Variants in CLEC16A observed in about 807,000 individuals in gnomAD.
The protein encoded by CLEC16A is protein CLEC16A.
A neutral mutation model predicts 109.5 loss-of-function variants in CLEC16A; 51 were observed. The observed-to-expected ratio is 0.47, with a 90% CI of 0.37 to 0.59. The LOEUF (loss-of-function observed/expected upper bound fraction) is 0.59, where lower values mean the gene tolerates loss of function less well. Among genes scored for constraint, CLEC16A ranks in the 20% least tolerant of loss-of-function variants. The probability of loss-of-function intolerance (pLI) is 0.00; values close to 1 mark genes in which losing one functional copy is unlikely to be tolerated. For synonymous variants in CLEC16A, 673 were observed against 564.2 expected, an observed-to-expected ratio of 1.19 and a Z score of -2.73; for missense variants, 1,339 against 1,394.0, an observed-to-expected ratio of 0.96 and a Z score of 0.63.
chr16:11,079,332 A>C (rs962930231), intron 19 of CLEC16A, among the ~76,000 whole-genome samples: 1 of 152,226 alleles, frequency 6.6e-6, no homozygotes, highest in Non-Finnish European at 1.5e-5. Flanking sequence ...TCAGCCAGCC[A>C]GACCATGGAG....
rs776058254 is a variant in CLEC16A, at chr16:11,126,059, C to G, written c.2554C>G (p.Pro852Ala). Residue 852 changes from proline (P) to alanine (A), a missense_variant, in exon 22 of 24, where the codon CCT becomes GCT. Physicochemically the swap from Pro to Ala is conservative, Grantham distance 27 (BLOSUM62 -1). This residue lies in a region of CLEC16A where 1,061 missense variants were observed against 1,006.8 expected (regional missense o/e 1.05). Coordinates refer to ENST00000409790, the MANE Select transcript of CLEC16A (RefSeq NM_015226.3). ...LGSSTSTQHL[P>A]FRFYDQGRRG... Reference sequence around the variant, plus strand: ...CTCCTCCACCTCCACTCAGCACCTGCCTTTCCGCTTCTACGACCAGGGGCG... The same window carrying G: ...CTCCTCCACCTCCACTCAGCACCTGGCTTTCCGCTTCTACGACCAGGGGCG... 1.2e-6 allele frequency: 2 copies of G among 1,613,994 alleles called. No homozygotes were observed.
At chr16:10,997,068 C>G (rs761384830) in intron 10 of CLEC16A, among the ~76,000 whole-genome samples, 2 of 152,210 alleles carry the variant, frequency 1.3e-5, no homozygotes, top group Non-Finnish European at 2.9e-5. Context: ...CTCAAGTGAT[C>G]TTCCTGCCTC....
intron 19 of CLEC16A, among the ~76,000 whole-genome samples, chr16:11,087,477 C>T (rs1336329448): frequency 1.3e-5 from 2 of 152,224 alleles, no homozygotes; most frequent in Non-Finnish European, 2.9e-5. Flanking sequence ...TAAACTACTA[C>T]TTGTTTTTTT....
chr16:10,996,650 A>C (rs1425274049), intron 10 of CLEC16A, among the ~76,000 whole-genome samples: 1 of 150,810 alleles, frequency 6.6e-6, no homozygotes, highest in East Asian at 2.0e-4. Flanking sequence ...CGGCCCCATC[A>C]CTCTTGTGTG....
intron 13 of CLEC16A, chr16:11,027,458 G>T (rs2046475837): frequency 6.3e-7 from 1 of 1,577,444 alleles, no homozygotes; most frequent in East Asian, 2.2e-5. Flanking sequence ...TTCCAAATCT[G>T]AAGTCTGTCC....
chr16:11,075,386 G>GTT lies in CLEC16A; in HGVS notation c.2116+14365_2116+14366insTT, dbSNP rs1377633453. ...TGTGACCTTGGATATGTCTGTGTGT[G>GTT]TGTGTGTGTGTGTGTGTGTGTGTGT... On this transcript the variant is annotated intron_variant, in intron 19 of 23. Transcript: ENST00000409790. Among the ~76,000 whole-genome samples the GTT allele has an allele frequency of 2.2e-4, 27 of 123,338 alleles. 1 individual carries two copies. The highest frequency in any genetic ancestry group is 1.9e-3 in the Admixed American group (24 of 12,652). The allele number at this position is 123,338 out of a possible 152,430, so 80.9% of individuals were successfully genotyped here.
At chr16:10,965,083 C>T (rs2042438017) in intron 3 of CLEC16A, among the ~76,000 whole-genome samples, 1 of 152,220 alleles carries the variant, frequency 6.6e-6, no homozygotes, top group Non-Finnish European at 1.5e-5. Flanking sequence ...TGACTCTCTG[C>T]TTCTATGAAT....
At chr16:11,120,031 G>A (rs534424109) in intron 19 of CLEC16A, among the ~76,000 whole-genome samples, 55 of 152,212 alleles carry the variant, frequency 3.6e-4, no homozygotes, top group Middle Eastern at 3.4e-3. Flanking sequence ...AGTGCAGAGC[G>A]CGATCTTGGC....
At chr16:11,176,990 GAAAAT>G (rs2068774057) in intron 23 of CLEC16A, among the ~76,000 whole-genome samples, 2 of 152,050 alleles carry the variant, frequency 1.3e-5, no homozygotes, top group Non-Finnish European at 2.9e-5. Flanking sequence ...ACTTAAAAGA[GAAAAT>G]AAAAAACTAA....
chr16:11,129,402 T>G (rs1286543459), intron 22 of CLEC16A, among the ~76,000 whole-genome samples: 1 of 152,272 alleles, frequency 6.6e-6, no homozygotes, highest in Non-Finnish European at 1.5e-5. Flanking sequence ...AATGCCTGGC[T>G]TAATAGAAGA....
chr16:11,016,841 ACACAC>A (rs2045783936), intron 11 of CLEC16A, among the ~76,000 whole-genome samples: 1 of 152,180 alleles, frequency 6.6e-6, no homozygotes, highest in East Asian at 1.9e-4. Flanking sequence ...GCATTTGTCC[ACACAC>A]CACTTAGAAA....
intron 19 of CLEC16A, among the ~76,000 whole-genome samples, chr16:11,112,136 T>G (rs929719221): frequency 1.8e-4 from 27 of 152,106 alleles, no homozygotes; most frequent in Admixed American, 1.4e-3. Flanking sequence ...ATGTAGGCAG[T>G]GTGGGTGGCA....
chr16:11,064,287 C>CAT (rs2152912428), intron 19 of CLEC16A, among the ~76,000 whole-genome samples: 1 of 152,368 alleles, frequency 6.6e-6, no homozygotes, highest in South Asian at 2.1e-4. Flanking sequence ...AACCGAGTGC[C>CAT]TCCCCAGCCC....
chr16:11,099,020 G>A lies in CLEC16A; in HGVS notation c.2117-21595G>A, dbSNP rs77513958. Among the ~76,000 whole-genome samples, 695 of 152,368 alleles carry A rather than the reference G, an allele frequency of 4.6e-3. 5 individuals carry two copies. The highest frequency in any genetic ancestry group is 0.031 in the Middle Eastern group (9 of 294). ...TGCTCTGTGACACGGAGAGACAGCT[G>A]TGTGGGAATGGGCTTTCTGTGTGCT... On this transcript the variant is annotated intron_variant, in intron 19 of 23. Coordinates refer to ENST00000409790, the MANE Select transcript of CLEC16A (RefSeq NM_015226.3).
At chr16:11,107,521 T>C (rs2051295724) in intron 19 of CLEC16A, among the ~76,000 whole-genome samples, 1 of 152,232 alleles carries the variant, frequency 6.6e-6, no homozygotes, top group Non-Finnish European at 1.5e-5. Context: ...GCCAACCTAA[T>C]TGAGTGTGCT....
chr16:10,976,331 T>C (rs1053848184), intron 7 of CLEC16A, among the ~76,000 whole-genome samples: 9 of 121,978 alleles, frequency 7.4e-5, no homozygotes, highest in Admixed American at 4.8e-4. Context: ...AGAAGCAGAA[T>C]TGATCTTGTT....
chr16:10,991,440 A>G (rs1447012933), intron 10 of CLEC16A, among the ~76,000 whole-genome samples: 1 of 151,548 alleles, frequency 6.6e-6, no homozygotes, highest in African/African-American at 2.4e-5. Flanking sequence ...AAAAAAAAAA[A>G]AAAAAAAGAA....
intron 5 of CLEC16A, 142 bp from the exon 6 acceptor site, chr16:10,972,412 C>A: frequency 1.4e-6 from 1 of 710,758 alleles, no homozygotes; most frequent in Non-Finnish European, 2.5e-6. Context: ...CTCCTTCTAA[C>A]CTTATCTCTC....
At chr16:11,018,866 G>A (rs1043437238) in intron 11 of CLEC16A, among the ~76,000 whole-genome samples, 1 of 152,166 alleles carries the variant, frequency 6.6e-6, no homozygotes, top group South Asian at 2.1e-4. Context: ...AAGGTCAGAG[G>A]TGGACTGGGG....
Sources: allele counts gnomAD v4.1 joint callset (sites outside exome capture counted in the v4.1 genomes callset), GRCh38; gene constraint gnomAD v4.1.1; regional missense constraint gnomAD v4.1.1; transcripts MANE v1.5; gene names NCBI Gene and HGNC (gene_info 2026-07-23, HGNC 2026-07-21).